The following SV2B variants were observed in gnomAD, a reference collection of about 807,000 sequenced individuals.
SV2B encodes synaptic vesicle glycoprotein 2B.
Under a neutral mutation model 73.9 loss-of-function variants are expected in SV2B, and 41 were observed. The ratio of observed to expected loss-of-function variants is 0.56; its 90% confidence interval spans 0.43 to 0.72. The LOEUF is 0.72. Among genes scored for constraint, SV2B ranks in the 30% least tolerant of loss-of-function variants. The pLI is 0.00. For missense variants in SV2B, 764 were observed against 857.8 expected (o/e 0.89, Z 1.37); for synonymous variants, 314 against 314.2 (o/e 1.00, Z 0.01).
Position 91,258,357 on chromosome 15 carries a change from G to A in SV2B, c.785-64G>A, listed in dbSNP as rs2047776221. 1 of 1,591,094 alleles carries A rather than the reference G, an allele frequency of 6.3e-7. No individual in the cohort carries two copies. The highest frequency in any genetic ancestry group is 1.2e-5 in the South Asian group (1 of 85,314). On this transcript the variant is annotated intron_variant, in intron 4 of 12. Transcript: ENST00000394232. The surrounding 1 kb of genome is among the most constrained non-coding windows in gnomAD (Gnocchi z 4.7). ...GAAGTTTGTGAGCCAGGGCTTCAGAGTCACTCTTCCGTAGAGGAAAAGATC... is the reference window on the plus strand; with the variant it reads ...GAAGTTTGTGAGCCAGGGCTTCAGAATCACTCTTCCGTAGAGGAAAAGATC...
chr15:91,233,106 C>G (rs1029551663), intron 2 of SV2B, among the ~76,000 whole-genome samples: 2 of 152,096 alleles, frequency 1.3e-5, no homozygotes. Flanking sequence ...ATCCAATCCC[C>G]CGTTGATGGG....
At chr15:91,193,081 C>T (rs185135010) in intron 1 of SV2B, among the ~76,000 whole-genome samples, 1 of 152,360 alleles carries the variant, frequency 6.6e-6, no homozygotes. Context: ...CTCAGTTCAG[C>T]ATTTGTCTCT....
Position 91,268,543 on chromosome 15 carries a change from C to A in SV2B, c.1311C>A (p.Gly437=). ...TGTTTTTTGGTGAGCATGTGTACGG[C>A]GCCACAATCAACTTCACGATGGAAA... The part of the protein sequence containing the change: ...MKVFFGEHVY[G]ATINFTMENQ... The change falls in exon 9 of 13, where the codon GGC becomes GGA. Residue 437 remains glycine (G), a synonymous_variant. Coordinates refer to ENST00000394232, the MANE Select transcript of SV2B (RefSeq NM_001323032.3). This position sits in a 1 kb window ranked among gnomAD's most constrained non-coding sequence, Gnocchi z 4.4. The A allele has an allele frequency of 6.2e-7, 1 of 1,613,932 alleles. No homozygotes were observed.
At chr15:91,104,775 G>A (rs1452287647) in intron 1 of SV2B, among the ~76,000 whole-genome samples, 3 of 152,224 alleles carry the variant, frequency 2.0e-5, no homozygotes, top group Admixed American at 2.0e-4. Context: ...TGGGACTACA[G>A]GCGTGCACCA....
At chr15:91,209,670 A>T (rs1209614581) in intron 1 of SV2B, among the ~76,000 whole-genome samples, 5 of 152,146 alleles carry the variant, frequency 3.3e-5, no homozygotes, top group Non-Finnish European at 7.4e-5. Flanking sequence ...CCTGGGTTTG[A>T]ATCTAGCTCT....
rs2048640714 is a variant in SV2B at position 91,280,194 on chromosome 15, T to C, written c.1374-1534T>C. Among the ~76,000 whole-genome samples, 1 of 152,212 alleles carries C rather than the reference T, an allele frequency of 6.6e-6. No homozygotes were observed. Among genetic ancestry groups the C allele is most frequent in the Admixed American group, 6.5e-5 (1 of 15,292 alleles). ...GGGGTCTTTTAGCAGAAGCTAATGA[T>C]TGGCAGCTCTAGATTAAGGTTCTGA... On this transcript the variant is annotated intron_variant, in intron 9 of 12. Transcript: ENST00000394232. The surrounding 1 kb of genome is among the most constrained non-coding windows in gnomAD (Gnocchi z 5.8).
chr15:91,151,933 G>C (rs765696321), intron 1 of SV2B, among the ~76,000 whole-genome samples: 1 of 152,142 alleles, frequency 6.6e-6, no homozygotes, highest in Non-Finnish European at 1.5e-5. Flanking sequence ...CTCAAAGAAG[G>C]TTATTATGTG....
intron 1 of SV2B, among the ~76,000 whole-genome samples, chr15:91,161,592 C>G (rs537090278): frequency 3.3e-5 from 5 of 152,190 alleles, no homozygotes; most frequent in Non-Finnish European, 5.9e-5. Context: ...TTATTTCTCA[C>G]AACAACACTG....
At chr15:91,153,573 T>C (rs1287598321) in intron 1 of SV2B, among the ~76,000 whole-genome samples, 1 of 152,280 alleles carries the variant, frequency 6.6e-6, no homozygotes, top group East Asian at 1.9e-4. Context: ...GTTAGCTCCA[T>C]GTCTGTCATA....
chr15:91,226,503 G>T lies in SV2B; in HGVS notation c.240G>T (p.Leu80=). Residue 80 remains leucine, a synonymous_variant, in exon 2 of 13, where the codon CTG becomes CTT. Coordinates refer to ENST00000394232, the MANE Select transcript of SV2B (RefSeq NM_001323032.3). ...ACAGCCTTCGGGGCCAGACAGACCT[G>T]ATGGCTGAGAGGCTGGAAGATGAGG... is the stretch of plus-strand genomic sequence containing the variant. ...RMDSLRGQTD[L]MAERLEDEEQ... is the part of the protein sequence containing the mutation. 1 of 1,614,210 alleles carries T rather than the reference G, an allele frequency of 6.2e-7. No homozygotes were observed. Among genetic ancestry groups the T allele is most frequent in the Non-Finnish European group, 8.5e-7 (1 of 1,180,034 alleles).
intron 1 of SV2B, among the ~76,000 whole-genome samples, chr15:91,212,385 C>A (rs1334051836): frequency 6.6e-6 from 1 of 152,162 alleles, no homozygotes; most frequent in African/African-American, 2.4e-5. Context: ...ACCTTCCTTC[C>A]TACCTATGTC....
chr15:91,266,160 AAAAC>A (rs1003493827), intron 6 of SV2B, among the ~76,000 whole-genome samples: 1 of 152,202 alleles, frequency 6.6e-6, no homozygotes, highest in Non-Finnish European at 1.5e-5. Flanking sequence ...AAACCAAACA[AAAAC>A]AAACAAATAA....
chr15:91,285,135 A>G (rs2048817095), intron 11 of SV2B, among the ~76,000 whole-genome samples: 1 of 152,216 alleles, frequency 6.6e-6, no homozygotes, highest in African/African-American at 2.4e-5. Context: ...TGGAGAAGAG[A>G]AAATTGATCA....
At chr15:91,189,165 T>C (rs1038215285) in intron 1 of SV2B, among the ~76,000 whole-genome samples, 7 of 152,138 alleles carry the variant, frequency 4.6e-5, no homozygotes, top group African/African-American at 1.7e-4. Context: ...ATGTCATTTT[T>C]TTTTCCACCT....
chr15:91,210,431 G>C (rs1198974504), intron 1 of SV2B, among the ~76,000 whole-genome samples: 1 of 152,100 alleles, frequency 6.6e-6, no homozygotes, highest in Non-Finnish European at 1.5e-5. Context: ...CTGGGTTATT[G>C]CAAGGCTAGA....
chr15:91,143,125 T>C (rs892022476), intron 1 of SV2B, among the ~76,000 whole-genome samples: 4 of 152,126 alleles, frequency 2.6e-5, no homozygotes, highest in African/African-American at 9.7e-5. Context: ...TCCACTCTCA[T>C]GGGAGGTATT....
rs1373589910 is a variant in SV2B at position 91,121,151 on chromosome 15, T to G, written c.-392+20788T>G. Reference sequence around the variant, plus strand: ...GTTTCATTTTTTTTTCTCTTTGAAATAAAAAAGTGTTAAGGTAAGGCTAAC... The same window carrying G: ...GTTTCATTTTTTTTTCTCTTTGAAAGAAAAAAGTGTTAAGGTAAGGCTAAC... On this transcript the variant is annotated intron_variant, in intron 1 of 12. Transcript: ENST00000394232. The surrounding 1 kb of genome is among the most constrained non-coding windows in gnomAD (Gnocchi z 4.4). Among the ~76,000 whole-genome samples the G allele has an allele frequency of 1.3e-5, 2 of 152,022 alleles. No individual in the cohort carries two copies. The highest frequency in any genetic ancestry group is 2.9e-5 in the Non-Finnish European group (2 of 67,998).
chr15:91,226,197 C>A lies in SV2B; in HGVS notation c.-67C>A, dbSNP rs1596623748. 1 of 1,491,288 alleles carries A rather than the reference C, an allele frequency of 6.7e-7. No individual in the cohort carries two copies. Among genetic ancestry groups the A allele is most frequent in the Non-Finnish European group, 9.2e-7 (1 of 1,083,876 alleles). 92.4% of individuals were successfully genotyped at this position (1,491,288 alleles called of 1,614,324 possible). A position where few individuals can be genotyped will look rare whatever the true frequency, so the allele number is the denominator to read the frequency against. ...TAATGAATGATGGTTATTGAAATAG[C>A]CCAAACCTCTACCACAGAGCGAGGG... On this transcript the variant is annotated 5_prime_UTR_variant, in exon 2 of 13. Transcript: ENST00000394232.
At chr15:91,235,021 T>C (rs2046725110) in intron 2 of SV2B, among the ~76,000 whole-genome samples, 1 of 152,182 alleles carries the variant, frequency 6.6e-6, no homozygotes, top group Middle Eastern at 3.4e-3. Context: ...TCTGTGGTTT[T>C]CCCCCCAGTT....
Sources: gnomAD v4.1 joint callset for allele counts (sites outside exome capture counted in the v4.1 genomes callset) on GRCh38, gnomAD v4.1.1 for gene constraint, Gnocchi (gnomAD v3.1) non-coding constraint, MANE v1.5 for transcripts, NCBI Gene and HGNC (gene_info 2026-07-23, HGNC 2026-07-21) for gene names.